PSMD9: variants seen among roughly 807,000 people sequenced by gnomAD.
PSMD9 encodes proteasome 26S subunit, non-ATPase 9.
A neutral mutation model predicts 25.9 loss-of-function variants in PSMD9; 26 were observed. The observed-to-expected ratio is 1.00, with a 90% CI of 0.73 to 1.39. PSMD9 has a LOEUF of 1.39. Among genes scored for constraint, PSMD9 ranks in the 40% most tolerant of loss-of-function variants. The probability of loss-of-function intolerance (pLI) is 0.00; values close to 1 mark genes in which losing one functional copy is unlikely to be tolerated. For synonymous variants in PSMD9, 110 were observed against 114.5 expected (o/e 0.96, Z 0.25); for missense variants, 303 against 299.3 (o/e 1.01, Z -0.09).
intron 4 of PSMD9, chr12:121,908,304 G>C (rs1879620857): frequency 6.6e-6 from 1 of 151,902 alleles, no homozygotes; most frequent in Non-Finnish European, 1.5e-5. Flanking sequence ...TCAGCCTCCT[G>C]AGTAGCTGGG....
chr12:121,899,439 T>G lies in PSMD9; in HGVS notation c.242-195T>G. ...AGTCATCAGATGTTATTGTAATTAC[T>G]TATTCTGGAGCTGCTCCTTGCAGGA... is the stretch of plus-strand genomic sequence containing the variant. On this transcript the variant is annotated intron_variant, in intron 2 of 5. Coordinates refer to ENST00000541212, the MANE Select transcript of PSMD9 (RefSeq NM_002813.7). 3 of 595,050 alleles carry G rather than the reference T, an allele frequency of 5.0e-6. No homozygotes were observed. The South Asian group carries it at 6.3e-5, about 12-fold the overall frequency. The allele number at this position is 595,050 out of a possible 1,614,324, so 36.9% of individuals were successfully genotyped here.
Position 121,899,897 on chromosome 12 carries a change from A to T in PSMD9, c.453+52A>T, listed in dbSNP as rs769813338. The T allele has an allele frequency of 2.2e-5, 35 of 1,599,724 alleles. No individual in the cohort carries two copies. The South Asian group carries it at 3.9e-4, about 18-fold the overall frequency. On this transcript the variant is annotated intron_variant, in intron 3 of 5. Transcript: ENST00000541212. The stretch of plus-strand genomic sequence containing the variant: ...CCATGCCCAGGGGACACGGTGGGTC[A>T]GGTAGCCTTCGGGGATGTGGAAAGA...
At position 121,902,989 on chromosome 12, in the gene PSMD9, T is replaced by G; in HGVS notation, c.454-17T>G. 1.9e-6 allele frequency: 3 copies of G among 1,608,952 alleles called. No individual in the cohort carries two copies. The highest frequency in any genetic ancestry group is 2.6e-6 in the Non-Finnish European group (3 of 1,175,444). ...TGAACCTCTAGCCTGATTTTCCATT[T>G]TTCCTTCCCTCTCCAGGGTCTGCAA... is the stretch of plus-strand genomic sequence containing the variant. On this transcript the variant is annotated splice_polypyrimidine_tract_variant and intron_variant, in intron 3 of 5. Coordinates refer to ENST00000541212, the MANE Select transcript of PSMD9 (RefSeq NM_002813.7).
At chr12:121,913,086 A>G (rs34506529) in intron 4 of PSMD9, among the ~76,000 whole-genome samples, 40,835 of 150,942 alleles carry the variant, frequency 0.27, 6,971 homozygotes, top group East Asian at 0.63. Context: ...ACAGGCGTCC[A>G]CCACCAAGCC....
chr12:121,916,472 T>A lies in PSMD9; in HGVS notation c.*161T>A. 1 of 853,976 alleles carries A rather than the reference T, an allele frequency of 1.2e-6. No individual in the cohort carries two copies. 52.9% of individuals were successfully genotyped at this position (853,976 alleles called of 1,614,324 possible). A position where few individuals can be genotyped will look rare whatever the true frequency, so the allele number is the denominator to read the frequency against. On this transcript the variant is annotated 3_prime_UTR_variant, in exon 6 of 6. Coordinates refer to ENST00000541212, the MANE Select transcript of PSMD9 (RefSeq NM_002813.7). ...AGTACTGTGGCCCACCAGTGTAATC[T>A]CCCTGGATTAAGGCATTCTTAAAAA...
intron 2 of PSMD9, chr12:121,897,651 C>T (rs553343082): frequency 5.3e-5 from 8 of 150,262 alleles, no homozygotes; most frequent in South Asian, 4.2e-4. Context: ...CCGCCCGCCT[C>T]GGCCTCGACA....
In PSMD9 at chr12:121,888,874, G is replaced by C. The variant is rs142807207; in HGVS notation, c.18G>C (p.Ala6=). MSDEE[A]RQSGGSSQAG... ...GGTTCACGATGTCCGACGAGGAAGC[G>C]AGGCAGAGCGGAGGCTCCTCGCAGG... is the stretch of plus-strand genomic sequence containing the variant. The change falls in exon 1 of 6, where the codon GCG becomes GCC. Residue 6 remains alanine (A), a synonymous_variant. Transcript: ENST00000541212. 4.6e-5 allele frequency: 74 copies of C among 1,604,232 alleles called. 1 individual carries two copies. The African/African-American group carries it at 8.4e-4, about 18-fold the overall frequency.
At chr12:121,892,558 G>C (rs934261958) in intron 1 of PSMD9, among the ~76,000 whole-genome samples, 2 of 151,920 alleles carry the variant, frequency 1.3e-5, no homozygotes, top group Admixed American at 6.6e-5. Flanking sequence ...AAAATTAGCC[G>C]GGTGTGGTGG....
intron 4 of PSMD9, among the ~76,000 whole-genome samples, chr12:121,909,100 G>A (rs1262479836): frequency 1.3e-5 from 2 of 152,124 alleles, no homozygotes; most frequent in Non-Finnish European, 2.9e-5. Context: ...AGTCAGTCAA[G>A]AGAGGATGGT....
At chr12:121,890,562 G>C (rs1006800936) in intron 1 of PSMD9, among the ~76,000 whole-genome samples, 1 of 152,016 alleles carries the variant, frequency 6.6e-6, no homozygotes, top group Non-Finnish European at 1.5e-5. Context: ...CAATCTCCTG[G>C]TGTCAAGCAA....
intron 1 of PSMD9, chr12:121,893,904 A>G (rs1049177333): frequency 6.6e-6 from 1 of 152,124 alleles, no homozygotes; most frequent in Non-Finnish European, 1.5e-5. Context: ...TGTGCTAAGT[A>G]CTCTGCAGGT....
intron 3 of PSMD9, among the ~76,000 whole-genome samples, chr12:121,900,622 C>G (rs989964546): frequency 6.6e-6 from 1 of 150,918 alleles, no homozygotes; most frequent in Non-Finnish European, 1.5e-5. Context: ...ATTTAAAGTC[C>G]GTATACAGTT....
At chr12:121,915,616 C>A in intron 4 of PSMD9, 1 of 521,262 alleles carries the variant, frequency 1.9e-6, no homozygotes, top group Non-Finnish European at 3.4e-6. Flanking sequence ...CTTGGATGTA[C>A]CTTTTAAAGA....
chr12:121,890,382 A>G (rs1316187776), intron 1 of PSMD9, among the ~76,000 whole-genome samples: 1 of 152,226 alleles, frequency 6.6e-6, no homozygotes, highest in Non-Finnish European at 1.5e-5. Flanking sequence ...CACATGCAGT[A>G]TACTATATGC....
Position 121,894,752 on chromosome 12 carries a change from G to A in PSMD9, c.152G>A (p.Gly51Glu). 1 of 1,614,038 alleles carries A rather than the reference G, an allele frequency of 6.2e-7. No individual in the cohort carries two copies. Residue 51 changes from glycine (G) to glutamate (E), a missense_variant, in exon 2 of 6, where the codon GGG (glycine) becomes GAG (glutamate). Coordinates refer to ENST00000541212, the MANE Select transcript of PSMD9 (RefSeq NM_002813.7). ...YDVLESQKGI[G>E]MNEPLVDCEG... ...TCTTTCCTCCAGCAAAAAGGCATTG[G>A]GATGAACGAGCCGCTGGTGGACTGT...
chr12:121,910,846 C>T (rs1023968995), intron 4 of PSMD9: 11 of 422,922 alleles, frequency 2.6e-5, no homozygotes, highest in Admixed American at 2.5e-5. Context: ...GCAAATATCA[C>T]CCCTACCCAT....
chr12:121,899,478 G>A, intron 2 of PSMD9, 156 bp from the exon 3 acceptor site: 2 of 664,718 alleles, frequency 3.0e-6, no homozygotes, highest in Non-Finnish European at 5.2e-6. Flanking sequence ...AATGCTCCAT[G>A]AGGGAATGTC....
intron 4 of PSMD9, among the ~76,000 whole-genome samples, chr12:121,913,804 G>A (rs1221646774): frequency 1.3e-5 from 2 of 152,112 alleles, no homozygotes. Flanking sequence ...CAGCATGTAT[G>A]TATTTTCTCC....
chr12:121,900,429 G>A (rs1321376197), intron 3 of PSMD9, among the ~76,000 whole-genome samples: 1 of 151,842 alleles, frequency 6.6e-6, no homozygotes, highest in Non-Finnish European at 1.5e-5. Flanking sequence ...ATTGGCTCAC[G>A]CCTGTAATCC....
Sources: gnomAD v4.1 joint callset for allele counts (sites outside exome capture counted in the v4.1 genomes callset) on GRCh38, gnomAD v4.1.1 for gene constraint, MANE v1.5 for transcripts, NCBI Gene and HGNC (gene_info 2026-07-23, HGNC 2026-07-21) for gene names.